Variants in SIN3A observed in about 807,000 individuals in gnomAD.
The protein encoded by SIN3A is paired amphipathic helix protein Sin3a.
Under a neutral mutation model 146.1 loss-of-function variants are expected in SIN3A, and 14 were observed. The observed-to-expected ratio is 0.10, with a 90% CI of 0.06 to 0.15. The LOEUF (loss-of-function observed/expected upper bound fraction) is 0.15, where lower values mean the gene tolerates loss of function less well. Ranked by LOEUF, SIN3A falls within the 10% of genes least tolerant of loss-of-function variation. SIN3A has a pLI of 1.00. For synonymous variants in SIN3A, 572 were observed against 572.0 expected (o/e 1.00, Z 0.00); for missense variants, 1,028 against 1,576.0 (o/e 0.65, Z 5.89).
chr15:75,384,251 G>A lies in SIN3A; in HGVS notation c.3195+13C>T, dbSNP rs2073038660. ...TCACCAGCAAGGTCTTCGACTACCT[G>A]ACCAACTCTCACCTTAAAGCAATTC... On this transcript the variant is annotated intron_variant, in intron 17 of 20. Coordinates refer to ENST00000394947, the MANE Select transcript of SIN3A (RefSeq NM_001145358.2). The A allele has an allele frequency of 2.5e-6, 4 of 1,594,000 alleles. No individual in the cohort carries two copies. Among genetic ancestry groups the A allele is most frequent in the Admixed American group, 3.5e-5 (2 of 57,188 alleles).
chr15:75,444,343 A>G (rs1040740098), intron 1 of SIN3A, among the ~76,000 whole-genome samples: 2 of 152,144 alleles, frequency 1.3e-5, no homozygotes, highest in Admixed American at 1.3e-4. Flanking sequence ...CGGGAGGTTG[A>G]GGCAGGAGAA....
intron 2 of SIN3A, among the ~76,000 whole-genome samples, chr15:75,426,434 A>C (rs1169877691): frequency 6.6e-6 from 1 of 152,218 alleles, no homozygotes; most frequent in Non-Finnish European, 1.5e-5. Flanking sequence ...CATCTGACAC[A>C]AACTGCCAAA....
At chr15:75,434,641 C>A (rs1309088493) in intron 1 of SIN3A, among the ~76,000 whole-genome samples, 2 of 132,778 alleles carry the variant, frequency 1.5e-5, no homozygotes, top group Non-Finnish European at 3.2e-5. Context: ...TAGAGTGGAA[C>A]TGTCTCAAAA....
chr15:75,442,013 G>A (rs1222144747), intron 1 of SIN3A, among the ~76,000 whole-genome samples: 3 of 150,878 alleles, frequency 2.0e-5, no homozygotes, highest in Non-Finnish European at 2.9e-5. Context: ...CCAGCTACTC[G>A]GGAGGCTGAG....
chr15:75,440,133 A>G (rs911090203), intron 1 of SIN3A, among the ~76,000 whole-genome samples: 2 of 152,028 alleles, frequency 1.3e-5, no homozygotes, highest in South Asian at 2.1e-4. Flanking sequence ...CCTGGGCAAC[A>G]GAGCGAGACT....
chr15:75,380,405 G>A (rs1203171899), intron 19 of SIN3A, among the ~76,000 whole-genome samples: 3 of 152,160 alleles, frequency 2.0e-5, no homozygotes, highest in South Asian at 2.1e-4. Flanking sequence ...TCCAAAGTAC[G>A]GAGGTTATTG....
chr15:75,393,909 G>A (rs1374145180), intron 14 of SIN3A, among the ~76,000 whole-genome samples: 1 of 152,112 alleles, frequency 6.6e-6, no homozygotes, highest in Non-Finnish European at 1.5e-5. Flanking sequence ...CCAGGTTCAA[G>A]CCATTCTCCC....
intron 12 of SIN3A, among the ~76,000 whole-genome samples, chr15:75,399,541 A>AAAAC (rs143263622): frequency 6.9e-4 from 105 of 151,608 alleles, no homozygotes; most frequent in African/African-American, 2.4e-3. Context: ...AAAACAAAAC[A>AAAAC]AAACAAACAA....
intron 2 of SIN3A, among the ~76,000 whole-genome samples, chr15:75,429,404 C>A (rs1362213634): frequency 2.0e-5 from 3 of 152,092 alleles, no homozygotes; most frequent in African/African-American, 7.2e-5. Flanking sequence ...ACAGGGGCCA[C>A]AGAGCAAGAC....
intron 1 of SIN3A, among the ~76,000 whole-genome samples, chr15:75,449,903 C>T (rs953045941): frequency 1.3e-5 from 2 of 152,140 alleles, no homozygotes; most frequent in Non-Finnish European, 2.9e-5. Flanking sequence ...CCTCAGCCTC[C>T]CCAGTAGCTG....
At chr15:75,400,015 CT>C in intron 12 of SIN3A, 24 bp downstream of exon 12, 1 of 1,353,784 alleles carries the variant, frequency 7.4e-7, no homozygotes, top group Non-Finnish European at 1.1e-6. Flanking sequence ...TTTCCCCCAA[CT>C]TCAAATGCCA....
chr15:75,454,465 G>A (rs2074458651), upstream of SIN3A, among the ~76,000 whole-genome samples: 1 of 151,204 alleles, frequency 6.6e-6, no homozygotes, highest in Non-Finnish European at 1.5e-5. Flanking sequence ...CCCCTGCGCC[G>A]CCTCTCCCGG....
At chr15:75,442,535 T>A (rs555639580) in intron 1 of SIN3A, among the ~76,000 whole-genome samples, 99 of 149,266 alleles carry the variant, frequency 6.6e-4, no homozygotes, top group African/African-American at 2.3e-3. Flanking sequence ...GCCAGTTACT[T>A]GGGGGAACTG....
chr15:75,369,478 TAAAAC>T lies in SIN3A; in HGVS notation c.*2496_*2500del, dbSNP rs2072684975. ...TAAGTACAGAATAACAAATGTGATT[TAAAAC>T]AAAGATAACCTGCTGCTGCATATAA... is the stretch of plus-strand genomic sequence containing the variant. On this transcript the variant is annotated 3_prime_UTR_variant, in exon 21 of 21. Transcript: ENST00000394947. 3 of 152,230 alleles carry T rather than the reference TAAAAC, an allele frequency of 2.0e-5. No homozygotes were observed. In the South Asian group the frequency reaches 6.2e-4, roughly 32 times the overall value. The allele number at this position is 152,230 out of a possible 1,614,324, so 9.4% of individuals were successfully genotyped here. A position where few individuals can be genotyped will look rare whatever the true frequency, so the allele number is the denominator to read the frequency against.
intron 1 of SIN3A, among the ~76,000 whole-genome samples, chr15:75,447,902 G>A (rs1360217307): frequency 2.6e-5 from 4 of 152,144 alleles, no homozygotes; most frequent in Non-Finnish European, 5.9e-5. Flanking sequence ...GACCGGGCAC[G>A]GTGACTCACG....
At chr15:75,422,318 A>G (rs2073853450) in intron 3 of SIN3A, 3 of 583,052 alleles carry the variant, frequency 5.1e-6, no homozygotes, top group South Asian at 2.2e-5. Flanking sequence ...AGCCAATCAT[A>G]TATGTGCTCA....
intron 2 of SIN3A, among the ~76,000 whole-genome samples, chr15:75,426,919 G>A (rs2073935076): frequency 6.6e-6 from 1 of 151,786 alleles, no homozygotes; most frequent in Non-Finnish European, 1.5e-5. Flanking sequence ...GCGAGAGTGT[G>A]ACTCTGTCTC....
In SIN3A at chr15:75,444,184, G is replaced by A. The variant is rs377256753; in HGVS notation, c.-34+7239C>T. On this transcript the variant is annotated intron_variant, in intron 1 of 20. Coordinates refer to ENST00000394947, the MANE Select transcript of SIN3A (RefSeq NM_001145358.2). ...CTTTGGAAAAAAAATAAATTTTCAG[G>A]CTGGGCATGGTGACTCATGCCTGTA... Among the ~76,000 whole-genome samples, 370 of 152,288 alleles carry A rather than the reference G, an allele frequency of 2.4e-3. 1 individual carries two copies. Among genetic ancestry groups the A allele is most frequent in the African/African-American group, 8.4e-3 (348 of 41,568 alleles).
intron 12 of SIN3A, among the ~76,000 whole-genome samples, chr15:75,397,021 A>C (rs755440787): frequency 3.3e-5 from 5 of 152,218 alleles, no homozygotes; most frequent in African/African-American, 4.8e-5. Context: ...TAAATATTCA[A>C]TAGCCTTGTT....
Sources: gnomAD v4.1 joint callset for allele counts (sites outside exome capture counted in the v4.1 genomes callset) on GRCh38, gnomAD v4.1.1 for gene constraint, MANE v1.5 for transcripts, NCBI Gene and HGNC (gene_info 2026-07-23, HGNC 2026-07-21) for gene names.